RALGAPA1: variants seen among roughly 807,000 people sequenced by gnomAD.
RALGAPA1 encodes ral GTPase-activating protein subunit alpha-1.
A neutral mutation model predicts 269.6 loss-of-function variants in RALGAPA1; 52 were observed. The observed-to-expected ratio is 0.19, with a 90% CI of 0.15 to 0.24. The LOEUF (loss-of-function observed/expected upper bound fraction) is 0.24, where lower values mean the gene tolerates loss of function less well. RALGAPA1 is among the 10% of genes least tolerant of loss of function. RALGAPA1 has a pLI of 1.00. For synonymous variants in RALGAPA1, 817 were observed against 1,008.3 expected (o/e 0.81, Z 3.60); for missense variants, 1,917 against 3,013.9 (o/e 0.64, Z 8.52).
intron 31 of RALGAPA1, among the ~76,000 whole-genome samples, chr14:35,647,879 C>T (rs2062554954): frequency 1.3e-5 from 2 of 151,906 alleles, no homozygotes; most frequent in African/African-American, 2.4e-5. Context: ...ACCTGGGAGG[C>T]GGAGGTTGCA....
chr14:35,662,673 C>T (rs1172689392), intron 27 of RALGAPA1, among the ~76,000 whole-genome samples: 1 of 152,146 alleles, frequency 6.6e-6, no homozygotes, highest in African/African-American at 2.4e-5. Flanking sequence ...AGGCTAACCC[C>T]TAACTCACTC....
chr14:35,594,009 C>T (rs2058786683), intron 37 of RALGAPA1, among the ~76,000 whole-genome samples: 1 of 151,994 alleles, frequency 6.6e-6, no homozygotes, highest in Non-Finnish European at 1.5e-5. Context: ...TAATTTTTCA[C>T]AAGGGCACCA....
chr14:35,615,754 C>T (rs995649523), intron 35 of RALGAPA1, among the ~76,000 whole-genome samples: 5 of 151,936 alleles, frequency 3.3e-5, no homozygotes, highest in African/African-American at 7.2e-5. Flanking sequence ...TGTATGAGAA[C>T]GGAGGCAGTT....
At chr14:35,655,264 T>C (rs1264411957) in intron 29 of RALGAPA1, among the ~76,000 whole-genome samples, 1 of 152,124 alleles carries the variant, frequency 6.6e-6, no homozygotes, top group Non-Finnish European at 1.5e-5. Context: ...ACAGGTGCTG[T>C]GGGTTTTACA....
At chr14:35,618,145 G>A (rs1566835867) in intron 35 of RALGAPA1, among the ~76,000 whole-genome samples, 1 of 152,100 alleles carries the variant, frequency 6.6e-6, no homozygotes, top group Admixed American at 6.6e-5. Flanking sequence ...TTATGAAGCT[G>A]GGTATAACCT....
intron 36 of RALGAPA1, among the ~76,000 whole-genome samples, chr14:35,600,218 C>CTTTTT (rs2059197135): frequency 9.6e-6 from 1 of 103,844 alleles, no homozygotes; most frequent in African/African-American, 4.5e-5. Context: ...CCTTTTTTTT[C>CTTTTT]TTTTTCTTTT....
intron 17 of RALGAPA1, among the ~76,000 whole-genome samples, chr14:35,693,985 C>T (rs1480270382): frequency 6.6e-6 from 1 of 151,770 alleles, no homozygotes; most frequent in African/African-American, 2.4e-5. Context: ...AGATTTAAGT[C>T]TCTTGAGGAT....
chr14:35,647,381 T>C (rs1031866147), intron 31 of RALGAPA1, among the ~76,000 whole-genome samples: 3 of 152,148 alleles, frequency 2.0e-5, no homozygotes, highest in African/African-American at 7.2e-5. Flanking sequence ...TCTTAAACAT[T>C]TGAGGTTAAG....
At chr14:35,693,931 C>T (rs2066695512) in intron 17 of RALGAPA1, among the ~76,000 whole-genome samples, 1 of 151,896 alleles carries the variant, frequency 6.6e-6, no homozygotes, top group African/African-American at 2.4e-5. Context: ...TTAAAGTATA[C>T]TGTCAGCTTA....
chr14:35,612,541 CTTTTT>C (rs71124709), intron 35 of RALGAPA1, among the ~76,000 whole-genome samples: 1 of 139,890 alleles, frequency 7.1e-6, no homozygotes, highest in Non-Finnish European at 1.6e-5. Context: ...TCTTCTTCTT[CTTTTT>C]TTTTTTTTTT....
At chr14:35,680,081 C>CTT (rs1385659889) in intron 21 of RALGAPA1, among the ~76,000 whole-genome samples, 3 of 152,128 alleles carry the variant, frequency 2.0e-5, no homozygotes, top group East Asian at 3.8e-4. Flanking sequence ...TTACCAAAAA[C>CTT]TTTTAAGTAC....
intron 4 of RALGAPA1, chr14:35,766,600 C>G (rs2074171222): frequency 1.3e-6 from 1 of 752,730 alleles, no homozygotes; most frequent in Non-Finnish European, 2.5e-6. Flanking sequence ...ACTGATGTAT[C>G]TACTGAAGCC....
At chr14:35,564,587 T>G (rs2056546570) in intron 39 of RALGAPA1, 1 of 152,168 alleles carries the variant, frequency 6.6e-6, no homozygotes, top group Non-Finnish European at 1.5e-5. Context: ...GAAACCCAAT[T>G]CTGGTATTTA....
chr14:35,755,974 A>G (rs1022783011), intron 7 of RALGAPA1, among the ~76,000 whole-genome samples: 1 of 152,238 alleles, frequency 6.6e-6, no homozygotes, highest in African/African-American at 2.4e-5. Flanking sequence ...CTTGCAAAAT[A>G]CATGCACCTA....
At chr14:35,598,155 CAGTT>C (rs1411975210) in intron 36 of RALGAPA1, among the ~76,000 whole-genome samples, 3 of 152,080 alleles carry the variant, frequency 2.0e-5, no homozygotes, top group African/African-American at 7.2e-5. Context: ...TTTCTTCTTT[CAGTT>C]CTATCAGCTT....
intron 41 of RALGAPA1, among the ~76,000 whole-genome samples, chr14:35,540,872 C>G (rs2053901767): frequency 6.6e-6 from 1 of 152,052 alleles, no homozygotes; most frequent in South Asian, 2.1e-4. Context: ...CTCATTGATA[C>G]TTCAAACTAG....
At chr14:35,618,377 T>C (rs1357085157) in intron 35 of RALGAPA1, among the ~76,000 whole-genome samples, 1 of 152,278 alleles carries the variant, frequency 6.6e-6, no homozygotes, top group African/African-American at 2.4e-5. Flanking sequence ...CAAAACTATA[T>C]GAAAATTTGA....
At position 35,539,384 on chromosome 14, in the gene RALGAPA1, A is replaced by G; in HGVS notation, c.*330T>C. 1.3e-6 allele frequency: 1 copy of G among 744,224 alleles called. No homozygotes were observed. Among genetic ancestry groups the G allele is most frequent in the East Asian group, 3.3e-5 (1 of 30,594 alleles). 46.1% of individuals were successfully genotyped at this position (744,224 alleles called of 1,614,324 possible). ...TAAATAACTTAAATCTTTAATATTA[A>G]GCTACAAATTATTTAAAATTATTTA... On this transcript the variant is annotated 3_prime_UTR_variant, in exon 42 of 42. Transcript: ENST00000680220.
chr14:35,805,607 GAGAA>G (rs1314124543), intron 1 of RALGAPA1, among the ~76,000 whole-genome samples: 2 of 151,640 alleles, frequency 1.3e-5, no homozygotes, highest in Admixed American at 6.6e-5. Context: ...ACTGAGGTGG[GAGAA>G]AGAGATTACA....
Sources: allele counts gnomAD v4.1 joint callset (sites outside exome capture counted in the v4.1 genomes callset), GRCh38; gene constraint gnomAD v4.1.1; transcripts MANE v1.5; gene names NCBI Gene and HGNC (gene_info 2026-07-23, HGNC 2026-07-21).